The following MICAL2 variants were observed in gnomAD, a reference collection of about 807,000 sequenced individuals.
MICAL2 encodes the protein microtubule associated monooxygenase, calponin and LIM domain containing 2.
Under a neutral mutation model 127.3 loss-of-function variants are expected in MICAL2, and 77 were observed. That is an observed-to-expected ratio of 0.60 (90% CI 0.50 to 0.73). The LOEUF (loss-of-function observed/expected upper bound fraction) is 0.73, where lower values mean the gene tolerates loss of function less well. Among genes scored for constraint, MICAL2 ranks in the 30% least tolerant of loss-of-function variants. MICAL2 has a pLI of 0.00. For synonymous variants in MICAL2, 570 were observed against 551.1 expected (o/e 1.03, Z -0.48); for missense variants, 1,351 against 1,434.4 (o/e 0.94, Z 0.94).
chr11:12,158,259 C>T (rs1490845116), intron 2 of MICAL2, among the ~76,000 whole-genome samples: 1 of 152,164 alleles, frequency 6.6e-6, no homozygotes, highest in Non-Finnish European at 1.5e-5. Context: ...AAGGGATACT[C>T]AACCTGTATA....
chr11:12,162,686 C>A (rs1020609010), intron 3 of MICAL2, among the ~76,000 whole-genome samples: 1 of 152,242 alleles, frequency 6.6e-6, no homozygotes, highest in South Asian at 2.1e-4. Context: ...ACCCCCACTT[C>A]TATTATCCCT....
chr11:12,249,337 T>C, intron 22 of MICAL2, 91 bp downstream of exon 22: 2 of 766,552 alleles, frequency 2.6e-6, no homozygotes, highest in Non-Finnish European at 2.3e-6. Flanking sequence ...TAAGCGCATA[T>C]GATCAGCAGC....
chr11:12,254,786 C>G (rs1449782247), intron 22 of MICAL2: 5 of 152,046 alleles, frequency 3.3e-5, no homozygotes, highest in African/African-American at 1.2e-4. Flanking sequence ...GGCCTTGCAC[C>G]CCACGGTGAA....
chr11:12,305,891 T>C (rs536628939), intron 29 of MICAL2, among the ~76,000 whole-genome samples: 2 of 152,314 alleles, frequency 1.3e-5, no homozygotes, highest in African/African-American at 2.4e-5. Flanking sequence ...TCAAATGATA[T>C]GGTTTTTAAT....
At chr11:12,216,391 A>T in intron 8 of MICAL2, 72 bp downstream of exon 8, 1 of 1,191,726 alleles carries the variant, frequency 8.4e-7, no homozygotes, top group South Asian at 1.2e-5. Flanking sequence ...GTGAAGGCAG[A>T]TGTCGTCCTG....
At position 12,262,548 on chromosome 11, in the gene MICAL2, T is replaced by G. The variant is rs762005757; in HGVS notation, c.*17+11T>G. 5.6e-6 allele frequency: 9 copies of G among 1,606,458 alleles called. No individual in the cohort carries two copies. The highest frequency in any genetic ancestry group is 1.3e-5 in the African/African-American group (1 of 74,744). On this transcript the variant is annotated intron_variant, in intron 27 of 27. Coordinates refer to ENST00000683283, the MANE Select transcript of MICAL2 (RefSeq NM_001282663.2). Reference sequence around the variant, plus strand: ...CACTTCTGCTCTAAGGTGACTGGTTTTCTTGCCAATTTTCAAAGAGTGGTA... The same window carrying G: ...CACTTCTGCTCTAAGGTGACTGGTTGTCTTGCCAATTTTCAAAGAGTGGTA...
At chr11:12,282,927 G>A (rs1863787404) in intron 2 of MICAL2, among the ~76,000 whole-genome samples, 1 of 152,330 alleles carries the variant, frequency 6.6e-6, no homozygotes, top group African/African-American at 2.4e-5. Flanking sequence ...TTCTTAGCGG[G>A]ATGGGGTTGT....
chr11:12,161,134 G>A (rs778273923), intron 2 of MICAL2, among the ~76,000 whole-genome samples: 4 of 152,178 alleles, frequency 2.6e-5, no homozygotes, highest in Non-Finnish European at 4.4e-5. Context: ...GTTTTCTTGT[G>A]CCAGCTTTGG....
chr11:12,314,661 TA>T (rs1864213904), intron 29 of MICAL2, among the ~76,000 whole-genome samples: 3 of 146,508 alleles, frequency 2.0e-5, no homozygotes, highest in South Asian at 2.2e-4. Context: ...TTTTTTTTTG[TA>T]TTTTTAGTAG....
At chr11:12,270,691 T>G (rs1404279127) in intron 24 of MICAL2, among the ~76,000 whole-genome samples, 1 of 152,232 alleles carries the variant, frequency 6.6e-6, no homozygotes, top group Non-Finnish European at 1.5e-5. Context: ...TTTGCCGCTT[T>G]CTTTCTCAAC....
chr11:12,151,698 C>A (rs898853279), intron 2 of MICAL2, among the ~76,000 whole-genome samples: 2 of 152,134 alleles, frequency 1.3e-5, no homozygotes, highest in African/African-American at 4.8e-5. Context: ...GTAGAAAAGG[C>A]ACCAAAAACC....
At chr11:12,175,427 G>T (rs952907742) in intron 3 of MICAL2, among the ~76,000 whole-genome samples, 1 of 152,082 alleles carries the variant, frequency 6.6e-6, no homozygotes, top group African/African-American at 2.4e-5. Flanking sequence ...AGTGAGCCGA[G>T]ATTGCGCCAC....
chr11:12,290,480 G>A (rs111340344), downstream of MICAL2, among the ~76,000 whole-genome samples: 10 of 152,248 alleles, frequency 6.6e-5, 1 homozygote, highest in African/African-American at 2.2e-4. Flanking sequence ...AGATGGCAGA[G>A]AGGGAGAATG....
At chr11:12,251,478 G>T (rs540855280) in intron 22 of MICAL2, among the ~76,000 whole-genome samples, 2 of 150,790 alleles carry the variant, frequency 1.3e-5, no homozygotes, top group Admixed American at 6.6e-5. Flanking sequence ...AAGAAGTGCT[G>T]GTCTACCTCT....
At chr11:12,251,105 A>G (rs149634119) in intron 22 of MICAL2, among the ~76,000 whole-genome samples, 172 of 152,266 alleles carry the variant, frequency 1.1e-3, no homozygotes, top group African/African-American at 4.0e-3. Flanking sequence ...ACCATTTGAT[A>G]TTGCCACACA....
intron 26 of MICAL2, chr11:12,260,834 C>A: frequency 1.0e-6 from 1 of 985,416 alleles, no homozygotes; most frequent in Non-Finnish European, 1.2e-6. Context: ...AGCTTAAAGG[C>A]TTTCCCCCCC....
At position 12,226,227 on chromosome 11, in the gene MICAL2, A is replaced by T; in HGVS notation, c.1745A>T (p.Asp582Val). ...GTGGAGAACAACCAGCTCGCATTTG[A>T]TGTGGCCGAGCGAGAGTTTGGGATC... ...DAVENNQLAF[D>V]VAEREFGIPP... The change falls in exon 14 of 28, where the codon GAT becomes GTT. Residue 582 changes from aspartate to valine, a missense_variant. By Grantham distance (152) the Asp-to-Val change is radical. Coordinates refer to ENST00000683283, the MANE Select transcript of MICAL2 (RefSeq NM_001282663.2). 1.2e-6 allele frequency: 2 copies of T among 1,614,204 alleles called. No homozygotes were observed. The highest frequency in any genetic ancestry group is 1.7e-6 in the Non-Finnish European group (2 of 1,180,046).
chr11:12,271,178 C>A (rs999383781), upstream of MICAL2, among the ~76,000 whole-genome samples: 1 of 152,162 alleles, frequency 6.6e-6, no homozygotes, highest in African/African-American at 2.4e-5. Context: ...CAGTTCTGGG[C>A]AAAGCTGCTT....
chr11:12,260,005 A>G (rs1211780583), intron 26 of MICAL2, 108 bp downstream of exon 26: 8 of 1,552,588 alleles, frequency 5.2e-6, no homozygotes, highest in Non-Finnish European at 7.0e-6. Flanking sequence ...CCTCCATATC[A>G]GGGACAATGC....
Sources: allele counts gnomAD v4.1 joint callset (sites outside exome capture counted in the v4.1 genomes callset), GRCh38; gene constraint gnomAD v4.1.1; transcripts MANE v1.5; gene names NCBI Gene and HGNC (gene_info 2026-07-23, HGNC 2026-07-21).